Variants in PCDHGB1 observed in about 807,000 individuals in gnomAD.
The protein encoded by PCDHGB1 is protocadherin gamma-B1.
A neutral mutation model predicts 56.6 loss-of-function variants in PCDHGB1; 34 were observed. The ratio of observed to expected loss-of-function variants is 0.60; its 90% CI spans 0.46 to 0.80. The LOEUF (loss-of-function observed/expected upper bound fraction) is 0.80. PCDHGB1 is among the 30% of genes least tolerant of loss of function. The probability of loss-of-function intolerance (pLI) is 0.00; values close to 1 mark genes in which losing one functional copy is unlikely to be tolerated. For synonymous variants in PCDHGB1, 561 were observed against 505.9 expected (o/e 1.11, Z -1.46); for missense variants, 1,278 against 1,204.6 (o/e 1.06, Z -0.90).
Position 141,351,668 on chromosome 5 carries a change from G to A in PCDHGB1, c.1408G>A (p.Val470Ile), listed in dbSNP as rs779945717. ...NNPPGASIAQVSASDPDLGPN... is the reference protein window; with the variant it reads ...NNPPGASIAQISASDPDLGPN... The stretch of plus-strand genomic sequence containing the variant: ...CCCACCTGGCGCCTCCATTGCACAA[G>A]TAAGCGCCTCCGACCCGGATTTGGG... The change falls in exon 1 of 4, where the codon GTA becomes ATA. Residue 470 changes from valine to isoleucine, a missense_variant. Physicochemically the swap from Val to Ile is conservative, Grantham distance 29. Coordinates refer to ENST00000523390, the MANE Select transcript of PCDHGB1 (RefSeq NM_018922.3). 9 of 1,614,026 alleles carry A rather than the reference G, an allele frequency of 5.6e-6. No individual in the cohort carries two copies. In the Admixed American group the frequency reaches 6.7e-5, roughly 12 times the overall value.
chr5:141,491,955 A>T lies in PCDHGB1; in HGVS notation c.2410-2852A>T. Reference sequence around the variant, plus strand: ...GGGACCGACCCCCACCCCTACACTCAAAAAAGGCCGGGGCCTCCTTCGAGC... The same window carrying T: ...GGGACCGACCCCCACCCCTACACTCTAAAAAGGCCGGGGCCTCCTTCGAGC... On this transcript the variant is annotated intron_variant, in intron 1 of 3. Coordinates refer to ENST00000523390, the MANE Select transcript of PCDHGB1 (RefSeq NM_018922.3). This position sits in a 1 kb window ranked among gnomAD's most constrained non-coding sequence, Gnocchi z 6.9. 9.7e-7 allele frequency: 1 copy of T among 1,029,648 alleles called. No homozygotes were observed. The highest frequency in any genetic ancestry group is 2.2e-5 in the South Asian group (1 of 44,530). The allele number at this position is 1,029,648 out of a possible 1,614,324, so 63.8% of individuals were successfully genotyped here. A position where few individuals can be genotyped will look rare whatever the true frequency, so the allele number is the denominator to read the frequency against.
intron 1 of PCDHGB1, chr5:141,394,616 C>G: frequency 6.2e-7 from 1 of 1,613,490 alleles, no homozygotes; most frequent in Non-Finnish European, 8.5e-7. Flanking sequence ...CGGGCCAGAA[C>G]GCCTGGCTGT....
chr5:141,438,581 TAC>T (rs2097976954), intron 1 of PCDHGB1, among the ~76,000 whole-genome samples: 6 of 49,834 alleles, frequency 1.2e-4, no homozygotes, highest in African/African-American at 7.2e-4. Flanking sequence ...TATACATACA[TAC>T]ATACATACAT....
At chr5:141,435,214 A>T (rs1314928643) in intron 1 of PCDHGB1, among the ~76,000 whole-genome samples, 1 of 152,176 alleles carries the variant, frequency 6.6e-6, no homozygotes, top group Non-Finnish European at 1.5e-5. Context: ...AAGTGAATTT[A>T]CTTTCTTTCA....
intron 3 of PCDHGB1, among the ~76,000 whole-genome samples, chr5:141,509,089 G>C (rs1366018197): frequency 6.6e-6 from 1 of 152,158 alleles, no homozygotes; most frequent in Non-Finnish European, 1.5e-5. Context: ...ACATGAAATG[G>C]GGGCTGTAGA....
rs1220353816 is a variant in PCDHGB1, at chr5:141,396,426, C to T, written c.2409+43757C>T. Reference sequence around the variant, plus strand: ...CTGAGGTCAGGAGTTCAAGATCAGCCTGGCAAACATGGTGAAACCCCGTCT... The same window carrying T: ...CTGAGGTCAGGAGTTCAAGATCAGCTTGGCAAACATGGTGAAACCCCGTCT... On this transcript the variant is annotated intron_variant, in intron 1 of 3. Coordinates refer to ENST00000523390, the MANE Select transcript of PCDHGB1 (RefSeq NM_018922.3). The T allele has an allele frequency of 5.9e-5, 9 of 152,308 alleles. 1 individual carries two copies. The highest frequency in any genetic ancestry group is 2.2e-4 in the African/African-American group (9 of 41,552). 9.4% of individuals were successfully genotyped at this position (152,308 alleles called of 1,614,324 possible). A position where few individuals can be genotyped will look rare whatever the true frequency, so the allele number is the denominator to read the frequency against.
At chr5:141,381,038 T>G (rs1422573690) in intron 1 of PCDHGB1, among the ~76,000 whole-genome samples, 1 of 152,262 alleles carries the variant, frequency 6.6e-6, no homozygotes, top group Non-Finnish European at 1.5e-5. Context: ...TTAAACAAAA[T>G]TTATCTACTT....
At chr5:141,384,666 C>T in intron 1 of PCDHGB1, 1 of 1,614,220 alleles carries the variant, frequency 6.2e-7, no homozygotes, top group Non-Finnish European at 8.5e-7. Flanking sequence ...ACCTGGTGAC[C>T]AAGGTGGTGG....
chr5:141,361,503 C>T (rs368091522), intron 1 of PCDHGB1: 95 of 1,613,900 alleles, frequency 5.9e-5, no homozygotes, highest in Non-Finnish European at 7.5e-5. Context: ...AACAGACTTC[C>T]TACATGGTTC....
At chr5:141,472,980 CAAA>C (rs60579131) in intron 1 of PCDHGB1, among the ~76,000 whole-genome samples, 10 of 86,092 alleles carry the variant, frequency 1.2e-4, no homozygotes, top group Non-Finnish European at 1.2e-4. Context: ...GAGTGAAACT[CAAA>C]AAAAAAAAAA....
intron 1 of PCDHGB1, among the ~76,000 whole-genome samples, chr5:141,387,085 C>T (rs1242993034): frequency 6.6e-6 from 1 of 152,168 alleles, no homozygotes; most frequent in African/African-American, 2.4e-5. Flanking sequence ...TGCCTGTGAT[C>T]ATCGAAATGA....
intron 3 of PCDHGB1, among the ~76,000 whole-genome samples, chr5:141,506,833 C>A (rs1462038297): frequency 1.3e-5 from 2 of 152,092 alleles, no homozygotes; most frequent in African/African-American, 4.8e-5. Context: ...AACTGATAGC[C>A]CTGCCCTCCA....
chr5:141,362,006 G>A (rs754740596), intron 1 of PCDHGB1: 7 of 1,605,202 alleles, frequency 4.4e-6, no homozygotes, highest in Non-Finnish European at 5.9e-6. Flanking sequence ...TTGCGCACGG[G>A]TGAGGTGCGC....
chr5:141,370,485 GA>G, intron 1 of PCDHGB1: 1 of 1,613,916 alleles, frequency 6.2e-7, no homozygotes, highest in South Asian at 1.1e-5. Flanking sequence ...GGCTCTCTCC[GA>G]ACCGATCCGC....
In PCDHGB1 at chr5:141,490,084, G is replaced by A. The variant is rs772917260; in HGVS notation, c.2410-4723G>A. The A allele has an allele frequency of 4.3e-6, 7 of 1,614,104 alleles. No individual in the cohort carries two copies. ...CAACGGCCAACTAGACTATTCTTTT[G>A]GAGACCACACATCTGAGGCAGTGCG... On this transcript the variant is annotated intron_variant, in intron 1 of 3. Transcript: ENST00000523390. The surrounding 1 kb of genome is among the most constrained non-coding windows in gnomAD (Gnocchi z 5.4).
At chr5:141,420,417 A>C (rs112493756) in intron 1 of PCDHGB1, 20 of 1,211,742 alleles carry the variant, frequency 1.7e-5, no homozygotes, top group Admixed American at 1.1e-4. Flanking sequence ...ATCATTATTA[A>C]AACAAAAGTT....
chr5:141,398,505 T>A (rs1561664724), intron 1 of PCDHGB1: 7 of 1,598,768 alleles, frequency 4.4e-6, no homozygotes, highest in Non-Finnish European at 6.0e-6. Context: ...TCGAGGACAT[T>A]AATGACCACA....
chr5:141,470,869 T>C (rs1215083835), intron 1 of PCDHGB1, among the ~76,000 whole-genome samples: 1 of 151,910 alleles, frequency 6.6e-6, no homozygotes, highest in African/African-American at 2.4e-5. Context: ...TTTGTTTGTT[T>C]GTTTTTTTGT....
intron 1 of PCDHGB1, chr5:141,362,279 TGC>T (rs776950363): frequency 7.4e-6 from 12 of 1,614,070 alleles, no homozygotes; most frequent in Non-Finnish European, 9.3e-6. Flanking sequence ...TCCCTGCGCC[TGC>T]GACTCTCTTC....
Sources: gnomAD v4.1 joint callset for allele counts (sites outside exome capture counted in the v4.1 genomes callset) on GRCh38, gnomAD v4.1.1 for gene constraint, Gnocchi (gnomAD v3.1) non-coding constraint, MANE v1.5 for transcripts, NCBI Gene and HGNC (gene_info 2026-07-23, HGNC 2026-07-21) for gene names.